PTPRD: variants seen among roughly 807,000 people sequenced by gnomAD.
PTPRD encodes receptor-type tyrosine-protein phosphatase delta.
A neutral mutation model predicts 214.5 loss-of-function variants in PTPRD; 34 were observed. That is an observed-to-expected ratio of 0.16 (90% confidence interval 0.12 to 0.21). The LOEUF is 0.21. PTPRD is among the 10% of genes least tolerant of loss of function. The pLI is 1.00. For missense variants in PTPRD, 2,545 were observed against 2,398.7 expected, an observed-to-expected ratio of 1.06 and a Z score of -1.27; for synonymous variants, 1,128 against 845.7, an observed-to-expected ratio of 1.33 and a Z score of -5.79.
At position 9,809,290 on chromosome 9, in the gene PTPRD, C is replaced by T. The variant is rs1379353630; in HGVS notation, c.-367-42439G>A. Among the ~76,000 whole-genome samples the T allele has an allele frequency of 1.2e-4, 16 of 129,812 alleles. No homozygotes were observed. In the Admixed American group the frequency reaches 1.2e-3, roughly 10 times the overall value. The allele number at this position is 129,812 out of a possible 152,430, so 85.2% of individuals were successfully genotyped here. A position where few individuals can be genotyped will look rare whatever the true frequency, so the allele number is the denominator to read the frequency against. ...TTTTTTTTTTTTTTTTTTTTTCAGA[C>T]GCAGTCTCACTCTGTCTCCCAAACT... On this transcript the variant is annotated intron_variant, in intron 5 of 45. Coordinates refer to ENST00000381196, the MANE Select transcript of PTPRD (RefSeq NM_002839.4).
chr9:10,368,217 TG>T (rs2097548743), intron 2 of PTPRD, among the ~76,000 whole-genome samples: 1 of 152,130 alleles, frequency 6.6e-6, no homozygotes, highest in Admixed American at 6.6e-5. Flanking sequence ...CAGTAGTGTA[TG>T]TTACTGATAT....
At chr9:9,895,098 G>A (rs1226741644) in intron 5 of PTPRD, among the ~76,000 whole-genome samples, 1 of 151,988 alleles carries the variant, frequency 6.6e-6, no homozygotes, top group Non-Finnish European at 1.5e-5. Context: ...GAGTTACAAA[G>A]CAATTTGAGG....
chr9:10,558,830 C>T (rs937067074), intron 2 of PTPRD, among the ~76,000 whole-genome samples: 1 of 151,960 alleles, frequency 6.6e-6, no homozygotes, highest in African/African-American at 2.4e-5. Context: ...TACTAAAAAC[C>T]AAAACAAAGC....
rs1363955541 is a variant in PTPRD at position 8,948,425 on chromosome 9, T to TTA, written c.-104+70270_-104+70271dup. The stretch of plus-strand genomic sequence containing the variant: ...GTTTAAAATATATATATATATATAT[T>TTA]TATATATATATTTACATATATATAT... On this transcript the variant is annotated intron_variant, in intron 11 of 45. Coordinates refer to ENST00000381196, the MANE Select transcript of PTPRD (RefSeq NM_002839.4). 3.6e-3 allele frequency among the ~76,000 whole-genome samples: 132 copies of TTA among 37,084 alleles called. 9 individuals carry two copies. The highest frequency in any genetic ancestry group is 6.3e-3 in the Non-Finnish European group (116 of 18,310). 24.3% of individuals were successfully genotyped at this position (37,084 alleles called of 152,430 possible). A position where few individuals can be genotyped will look rare whatever the true frequency, so the allele number is the denominator to read the frequency against.
chr9:8,461,668 A>AT lies in PTPRD; in HGVS notation c.3715-1098dup, dbSNP rs775390597. On this transcript the variant is annotated intron_variant, in intron 32 of 45. Coordinates refer to ENST00000381196, the MANE Select transcript of PTPRD (RefSeq NM_002839.4). ...TATTTACTCTTTACCTTTCTAGACA[A>AT]TTTTTCCAGATTTGCCTTCTTTAAA... Among the ~76,000 whole-genome samples, 945 of 150,092 alleles carry AT rather than the reference A, an allele frequency of 6.3e-3. 10 individuals carry two copies. The highest frequency in any genetic ancestry group is 0.022 in the African/African-American group (882 of 40,786).
At chr9:9,547,932 C>A (rs1264256545) in intron 8 of PTPRD, among the ~76,000 whole-genome samples, 1 of 151,502 alleles carries the variant, frequency 6.6e-6, no homozygotes, top group African/African-American at 2.4e-5. Flanking sequence ...TCAAAGAGAA[C>A]AATGATAGGA....
chr9:9,389,708 C>G (rs7848652), intron 9 of PTPRD, among the ~76,000 whole-genome samples: 41,199 of 151,986 alleles, frequency 0.27, 5,733 homozygotes, highest in Middle Eastern at 0.3. Flanking sequence ...ATTCTAGCAA[C>G]AGCTAAGTAG....
chr9:9,378,134 T>C (rs2061287821), intron 9 of PTPRD, among the ~76,000 whole-genome samples: 1 of 152,114 alleles, frequency 6.6e-6, no homozygotes, highest in Non-Finnish European at 1.5e-5. Flanking sequence ...TTATACACTT[T>C]ATGGATGTAT....
intron 10 of PTPRD, among the ~76,000 whole-genome samples, chr9:9,124,543 C>A (rs990377597): frequency 2.6e-5 from 4 of 152,048 alleles, no homozygotes; most frequent in Non-Finnish European, 5.9e-5. Flanking sequence ...AACAATCAAG[C>A]AATTATAGAC....
chr9:10,539,473 C>T (rs2058621011), intron 2 of PTPRD, among the ~76,000 whole-genome samples: 1 of 152,224 alleles, frequency 6.6e-6, no homozygotes, highest in South Asian at 2.1e-4. Context: ...GCGTGAGCCA[C>T]CACGCCTGGC....
At chr9:8,526,004 T>C (rs993253296) in intron 17 of PTPRD, among the ~76,000 whole-genome samples, 1 of 152,022 alleles carries the variant, frequency 6.6e-6, no homozygotes, top group East Asian at 1.9e-4. Flanking sequence ...GAAAAAAGCA[T>C]TGCTGTCAGA....
chr9:8,406,951 G>A (rs1286372677), intron 35 of PTPRD, among the ~76,000 whole-genome samples: 1 of 152,144 alleles, frequency 6.6e-6, no homozygotes. Context: ...TGATATCCTT[G>A]TTTTACTTAG....
intron 7 of PTPRD, among the ~76,000 whole-genome samples, chr9:9,717,007 C>A (rs1210195350): frequency 1.3e-5 from 2 of 152,018 alleles, no homozygotes; most frequent in Admixed American, 6.6e-5. Context: ...GTCTTTAATC[C>A]ATCTTGAATT....
At chr9:10,328,320 A>G (rs745716493) in intron 3 of PTPRD, among the ~76,000 whole-genome samples, 3 of 151,738 alleles carry the variant, frequency 2.0e-5, no homozygotes, top group African/African-American at 7.2e-5. Flanking sequence ...TGTGTATTGA[A>G]TTACACCCGG....
intron 5 of PTPRD, among the ~76,000 whole-genome samples, chr9:9,810,216 T>C (rs2046719970): frequency 6.6e-6 from 1 of 152,104 alleles, no homozygotes; most frequent in Non-Finnish European, 1.5e-5. Context: ...GTTACTTTAT[T>C]GTAAGAATAT....
chr9:9,825,003 C>T (rs184853569), intron 5 of PTPRD, among the ~76,000 whole-genome samples: 1 of 152,128 alleles, frequency 6.6e-6, no homozygotes, highest in Admixed American at 6.6e-5. Flanking sequence ...TTGAACTAAT[C>T]CATCTGAGTG....
intron 11 of PTPRD, among the ~76,000 whole-genome samples, chr9:8,919,274 TC>T (rs2098808370): frequency 6.6e-6 from 1 of 151,716 alleles, no homozygotes; most frequent in African/African-American, 2.4e-5. Flanking sequence ...ACACCTGTAG[TC>T]CCAGTGACTA....
At chr9:9,387,769 A>C (rs2064362471) in intron 9 of PTPRD, among the ~76,000 whole-genome samples, 1 of 152,120 alleles carries the variant, frequency 6.6e-6, no homozygotes. Context: ...CCCACTGCTC[A>C]ATCCTCTAGG....
chr9:9,609,954 T>A (rs1004019072), intron 7 of PTPRD, among the ~76,000 whole-genome samples: 1 of 152,194 alleles, frequency 6.6e-6, no homozygotes, highest in Admixed American at 6.5e-5. Flanking sequence ...TATGTGAAGA[T>A]GAATATCGGC....
Sources: allele counts gnomAD v4.1 joint callset (sites outside exome capture counted in the v4.1 genomes callset), GRCh38; gene constraint gnomAD v4.1.1; transcripts MANE v1.5; gene names NCBI Gene and HGNC (gene_info 2026-07-23, HGNC 2026-07-21).